MRC1: variants seen among roughly 807,000 people sequenced by gnomAD.
MRC1 encodes the protein mannose receptor C-type 1, also known as macrophage mannose receptor 1.
In MRC1, 62 loss-of-function variants were observed where a neutral mutation model predicts 102.9. The ratio of observed to expected loss-of-function variants is 0.60; its 90% CI spans 0.49 to 0.74. MRC1 has a LOEUF of 0.74. MRC1 is among the 30% of genes least tolerant of loss of function. The pLI, the probability that MRC1 is intolerant of heterozygous loss-of-function variation, is 0.00. For synonymous variants in MRC1, 457 were observed against 298.4 expected, an observed-to-expected ratio of 1.53 and a Z score of -5.48; for missense variants, 1,237 against 862.8, an observed-to-expected ratio of 1.43 and a Z score of -5.43.
At position 17,911,088 on chromosome 10, in the gene MRC1, A is replaced by G. The variant is rs1158484877; in HGVS notation, c.*623A>G. ...ATCAGGAATACAAGGATGTGAAATA[A>G]AACTGTAAATTTGCATAACTGGATG... On this transcript the variant is annotated 3_prime_UTR_variant, in exon 30 of 30. Transcript: ENST00000569591. 9 of 154,436 alleles carry G rather than the reference A, an allele frequency of 5.8e-5. No individual in the cohort carries two copies. The highest frequency in any genetic ancestry group is 2.0e-4 in the South Asian group (1 of 4,948). 9.6% of individuals were successfully genotyped at this position (154,436 alleles called of 1,614,324 possible). A position where few individuals can be genotyped will look rare whatever the true frequency, so the allele number is the denominator to read the frequency against.
At chr10:17,904,018 A>T (rs1206603956) in intron 26 of MRC1, among the ~76,000 whole-genome samples, 1 of 152,186 alleles carries the variant, frequency 6.6e-6, no homozygotes, top group Non-Finnish European at 1.5e-5. Context: ...TAGTGTACAA[A>T]AACTTTGCTG....
chr10:17,869,559 C>T (rs1353880178), intron 12 of MRC1, among the ~76,000 whole-genome samples: 1 of 152,186 alleles, frequency 6.6e-6, no homozygotes, highest in Non-Finnish European at 1.5e-5. Flanking sequence ...CCCAGACCGT[C>T]ACTGTTGACT....
chr10:17,817,499 T>A (rs1006593291), intron 1 of MRC1, among the ~76,000 whole-genome samples: 1 of 152,198 alleles, frequency 6.6e-6, no homozygotes, highest in African/African-American at 2.4e-5. Flanking sequence ...AGGAAACTTA[T>A]GTCTTTTGTT....
rs1378717533 is a variant in MRC1, at chr10:17,856,280, T to A, written c.1446T>A (p.Leu482=). The change falls in exon 9 of 30, where the codon CTT becomes CTA. Residue 482 remains leucine, a synonymous_variant. Coordinates refer to ENST00000569591, the MANE Select transcript of MRC1 (RefSeq NM_002438.4). ...YWADRGCEWP[L]GYICKMKSRS... is the part of the protein sequence containing the mutation. ...CAGATCGGGGCTGTGAGTGGCCTCT[T>A]GGCTACATCTGCAAGATGAAATCAC... The A allele has an allele frequency of 1.3e-5, 11 of 867,484 alleles. No individual in the cohort carries two copies. The highest frequency in any genetic ancestry group is 2.2e-5 in the Non-Finnish European group (11 of 499,444). The allele number at this position is 867,484 out of a possible 1,614,324, so 53.7% of individuals were successfully genotyped here.
At position 17,849,743 on chromosome 10, in the gene MRC1, A is replaced by C; in HGVS notation, c.1228A>C (p.Ile410Leu). ...SIHTIEELDF[I>L]ISQLGYEPND... Reference sequence around the variant, plus strand: ...CCACACCATCGAGGAATTGGACTTTATTATCTCCCAGCTAGGATATGGTGA... The same window carrying C: ...CCACACCATCGAGGAATTGGACTTTCTTATCTCCCAGCTAGGATATGGTGA... Residue 410 changes from isoleucine to leucine, a missense_variant, in exon 7 of 30, where the codon ATT (isoleucine) becomes CTT (leucine). Transcript: ENST00000569591. 1.3e-6 allele frequency: 1 copy of C among 780,934 alleles called. No homozygotes were observed. Among genetic ancestry groups the C allele is most frequent in the Non-Finnish European group, 2.4e-6 (1 of 418,048 alleles). The allele number at this position is 780,934 out of a possible 1,614,324, so 48.4% of individuals were successfully genotyped here.
Position 17,870,248 on chromosome 10 carries a change from G to A in MRC1, c.1986G>A (p.Leu662=), listed in dbSNP as rs1833335592. ...TTTTGTAACCATATCATCTTCAGCT[G>A]TATGCAAAAGGAAAACATGAGAAGA... ...ASSRTSLCFK[L]YAKGKHEKKT... Residue 662 remains leucine (L), a splice_region_variant and synonymous_variant, in exon 13 of 30, where the codon CTG becomes CTA. Coordinates refer to ENST00000569591, the MANE Select transcript of MRC1 (RefSeq NM_002438.4). 1.3e-6 allele frequency: 1 copy of A among 780,184 alleles called. No individual in the cohort carries two copies. Among genetic ancestry groups the A allele is most frequent in the South Asian group, 1.3e-5 (1 of 74,554 alleles). 48.3% of individuals were successfully genotyped at this position (780,184 alleles called of 1,614,324 possible).
chr10:17,897,768 T>C (rs1355127750), intron 23 of MRC1, among the ~76,000 whole-genome samples: 1 of 152,220 alleles, frequency 6.6e-6, no homozygotes, highest in Non-Finnish European at 1.5e-5. Flanking sequence ...TTGTCACATG[T>C]TTTGTTTGTT....
Position 17,856,297 on chromosome 10 carries a change from T to C in MRC1, c.1463T>C (p.Met488Thr), listed in dbSNP as rs534140617. ...TGGCCTCTTGGCTACATCTGCAAGATGAAATCACGAAGCCAAGGTCCAGAA... is the reference window on the plus strand; with the variant it reads ...TGGCCTCTTGGCTACATCTGCAAGACGAAATCACGAAGCCAAGGTCCAGAA... Reference protein sequence around the residue: ...CEWPLGYICKMKSRSQGPEIV... With the variant: ...CEWPLGYICKTKSRSQGPEIV... The change falls in exon 9 of 30, where the codon ATG becomes ACG. Residue 488 changes from methionine (M) to threonine (T), a missense_variant. Met to Thr is a moderately conservative substitution (Grantham distance 81). Transcript: ENST00000569591. The C allele has an allele frequency of 1.5e-4, 134 of 865,882 alleles. No homozygotes were observed. Among genetic ancestry groups the C allele is most frequent in the African/African-American group, 1.5e-3 (92 of 61,134 alleles). The allele number at this position is 865,882 out of a possible 1,614,324, so 53.6% of individuals were successfully genotyped here.
At chr10:17,863,252 G>A (rs1833211156) in intron 10 of MRC1, among the ~76,000 whole-genome samples, 1 of 152,114 alleles carries the variant, frequency 6.6e-6, no homozygotes, top group African/African-American at 2.4e-5. Flanking sequence ...CTGACATTTT[G>A]AGAATAGGCA....
chr10:17,899,099 T>C (rs1833794337), intron 24 of MRC1, among the ~76,000 whole-genome samples: 1 of 129,736 alleles, frequency 7.7e-6, no homozygotes, highest in Non-Finnish European at 1.6e-5. Flanking sequence ...GGAAGGAATA[T>C]CAAGAAGACA....
At chr10:17,894,857 G>A (rs1833733665) in intron 23 of MRC1, among the ~76,000 whole-genome samples, 1 of 152,108 alleles carries the variant, frequency 6.6e-6, no homozygotes, top group Admixed American at 6.5e-5. Context: ...ATGAACAGCT[G>A]TGTTTTTAAA....
chr10:17,908,396 T>A (rs1833924513), intron 28 of MRC1, among the ~76,000 whole-genome samples: 1 of 152,016 alleles, frequency 6.6e-6, no homozygotes, highest in Non-Finnish European at 1.5e-5. Flanking sequence ...TGCCTCAGCC[T>A]CCCGAGTAGC....
At chr10:17,809,690 G>A (rs1838193279) in intron 1 of MRC1, among the ~76,000 whole-genome samples, 164 bp downstream of exon 1, 1 of 152,036 alleles carries the variant, frequency 6.6e-6, no homozygotes, top group African/African-American at 2.4e-5. Context: ...TTCACCTGGC[G>A]GCCAGGCATG....
At chr10:17,844,600 C>T (rs1838798450) in intron 5 of MRC1, among the ~76,000 whole-genome samples, 2 of 152,174 alleles carry the variant, frequency 1.3e-5, no homozygotes, top group Admixed American at 6.5e-5. Flanking sequence ...TTCAGAGATA[C>T]ATGTACACGG....
At chr10:17,858,136 A>G (rs1357798500) in intron 9 of MRC1, among the ~76,000 whole-genome samples, 1 of 152,196 alleles carries the variant, frequency 6.6e-6, no homozygotes, top group African/African-American at 2.4e-5. Flanking sequence ...TCAGCCACCA[A>G]ATTGTCTGAG....
intron 17 of MRC1, among the ~76,000 whole-genome samples, chr10:17,876,006 C>A (rs1433310683): frequency 6.6e-6 from 1 of 152,120 alleles, no homozygotes; most frequent in Non-Finnish European, 1.5e-5. Flanking sequence ...TTACATTTCT[C>A]TGATAATTTG....
intron 26 of MRC1, among the ~76,000 whole-genome samples, chr10:17,904,290 TA>T (rs1833869013): frequency 6.6e-6 from 1 of 152,218 alleles, no homozygotes; most frequent in Non-Finnish European, 1.5e-5. Flanking sequence ...CCACTGGAAG[TA>T]TTTTCTTCAG....
intron 24 of MRC1, among the ~76,000 whole-genome samples, chr10:17,900,193 A>G (rs1833810859): frequency 6.6e-6 from 1 of 152,058 alleles, no homozygotes; most frequent in African/African-American, 2.4e-5. Context: ...TATGGCCGAA[A>G]GACCACCTCA....
rs1031435729 is a variant in MRC1 at position 17,891,518 on chromosome 10, A to G, written c.3148-2692A>G. ...TAATAATAACAGCAGTAAAGTGCAT[A>G]ATAAGCGTAATGCGTTTGAATCATC... On this transcript the variant is annotated intron_variant, in intron 22 of 29. Transcript: ENST00000569591. Among the ~76,000 whole-genome samples the G allele has an allele frequency of 4.0e-3, 605 of 152,244 alleles. 7 individuals carry two copies. Among genetic ancestry groups the G allele is most frequent in the African/African-American group, 0.014 (579 of 41,544 alleles).
Sources: allele counts gnomAD v4.1 joint callset (sites outside exome capture counted in the v4.1 genomes callset), GRCh38; gene constraint gnomAD v4.1.1; transcripts MANE v1.5; gene names NCBI Gene and HGNC (gene_info 2026-07-23, HGNC 2026-07-21).